DESI2: variants seen among roughly 807,000 people sequenced by gnomAD.
DESI2 encodes the protein deubiquitinase DESI2.
Under a neutral mutation model 24.1 loss-of-function variants are expected in DESI2, and 10 were observed. The observed-to-expected ratio is 0.41, with a 90% CI of 0.26 to 0.70. The LOEUF (loss-of-function observed/expected upper bound fraction) is 0.70, where lower values mean the gene tolerates loss of function less well. Among genes scored for constraint, DESI2 ranks in the 30% least tolerant of loss-of-function variants. The pLI is 0.29. For missense variants in DESI2, 122 were observed against 234.9 expected, an observed-to-expected ratio of 0.52 and a Z score of 3.14; for synonymous variants, 71 against 87.7, an observed-to-expected ratio of 0.81 and a Z score of 1.06.
chr1:244,661,524 A>G (rs1249979063), intron 1 of DESI2, among the ~76,000 whole-genome samples: 3 of 151,966 alleles, frequency 2.0e-5, no homozygotes, highest in Non-Finnish European at 4.4e-5. Flanking sequence ...CTCATCATTC[A>G]CATTAGGTAT....
At chr1:244,691,250 G>A (rs1013606443) in intron 3 of DESI2, among the ~76,000 whole-genome samples, 10 of 152,180 alleles carry the variant, frequency 6.6e-5, no homozygotes, top group Admixed American at 6.5e-5. Flanking sequence ...CATCATGCCC[G>A]ACTAATTTTT....
chr1:244,681,743 T>G (rs781539245), intron 1 of DESI2, among the ~76,000 whole-genome samples: 3 of 152,244 alleles, frequency 2.0e-5, no homozygotes, highest in Non-Finnish European at 4.4e-5. Flanking sequence ...TAAGGGTATA[T>G]AGACAGAATA....
intron 1 of DESI2, among the ~76,000 whole-genome samples, chr1:244,654,611 G>A (rs1158868794): frequency 6.6e-6 from 1 of 152,134 alleles, no homozygotes; most frequent in South Asian, 2.1e-4. Flanking sequence ...AAGTGGAACA[G>A]GACAGAAAAA....
chr1:244,657,310 C>T (rs1675682108), intron 1 of DESI2, among the ~76,000 whole-genome samples: 1 of 152,172 alleles, frequency 6.6e-6, no homozygotes, highest in African/African-American at 2.4e-5. Flanking sequence ...CAGAATCACA[C>T]ATCCCACCTA....
intron 1 of DESI2, among the ~76,000 whole-genome samples, chr1:244,683,020 A>G (rs2148801134): frequency 6.6e-6 from 1 of 152,330 alleles, no homozygotes. Context: ...ATTTGCAGCC[A>G]GGGAGCAGGG....
Position 244,706,497 on chromosome 1 carries a change from G to A in DESI2, c.*708G>A, listed in dbSNP as rs1251453866. The A allele has an allele frequency of 6.6e-6, 1 of 152,636 alleles. No homozygotes were observed. Among genetic ancestry groups the A allele is most frequent in the Non-Finnish European group, 1.5e-5 (1 of 68,042 alleles). The allele number at this position is 152,636 out of a possible 1,614,324, so 9.5% of individuals were successfully genotyped here. ...GTTCTTACGTCTCTCTGACTTTGAT[G>A]CCACTCATTCTATAGTTTAGCTGGT... On this transcript the variant is annotated 3_prime_UTR_variant, in exon 5 of 5. Coordinates refer to ENST00000302550, the MANE Select transcript of DESI2 (RefSeq NM_016076.5).
chr1:244,698,593 C>A (rs1677308999), intron 4 of DESI2, among the ~76,000 whole-genome samples: 1 of 152,198 alleles, frequency 6.6e-6, no homozygotes, highest in African/African-American at 2.4e-5. Context: ...TTCATAGATC[C>A]TAGTTGCTTG....
At chr1:244,671,459 TTAAC>T (rs761852146) in intron 1 of DESI2, among the ~76,000 whole-genome samples, 2 of 152,324 alleles carry the variant, frequency 1.3e-5, no homozygotes, top group Non-Finnish European at 2.9e-5. Flanking sequence ...CAATAGTTCT[TTAAC>T]TAGTCTGCTG....
intron 1 of DESI2, among the ~76,000 whole-genome samples, chr1:244,672,778 G>A (rs1476612948): frequency 6.6e-6 from 1 of 152,148 alleles, no homozygotes; most frequent in Non-Finnish European, 1.5e-5. Context: ...TCTGGAGGCT[G>A]AGACAGGAGA....
intron 4 of DESI2, among the ~76,000 whole-genome samples, chr1:244,703,832 G>GCTCTACTAAACATAATCTCTAC: frequency 6.6e-6 from 1 of 151,964 alleles, no homozygotes; most frequent in Non-Finnish European, 1.5e-5. Flanking sequence ...CTAATTTTTT[G>GCTCTACTAAACATAATCTCTAC]TATGTTTAGT....
rs945861464 is a variant in DESI2, at chr1:244,674,204, G to A, written c.43-12393G>A. On this transcript the variant is annotated intron_variant, in intron 1 of 4. Coordinates refer to ENST00000302550, the MANE Select transcript of DESI2 (RefSeq NM_016076.5). ...TGTAGAAACGGGGTTTCACCATATTGGTCAGGCTGGTCTCGAACTCCTCAC... is the reference window on the plus strand; with the variant it reads ...TGTAGAAACGGGGTTTCACCATATTAGTCAGGCTGGTCTCGAACTCCTCAC... 2.0e-5 allele frequency among the ~76,000 whole-genome samples: 3 copies of A among 151,900 alleles called. No individual in the cohort carries two copies. The East Asian group carries it at 5.8e-4, about 29-fold the overall frequency.
intron 1 of DESI2, among the ~76,000 whole-genome samples, chr1:244,657,299 C>G: frequency 6.6e-6 from 1 of 152,102 alleles, no homozygotes; most frequent in East Asian, 1.9e-4. Flanking sequence ...TGAACAAGTT[C>G]CAGAATCACA....
At chr1:244,681,436 A>G (rs1033605430) in intron 1 of DESI2, among the ~76,000 whole-genome samples, 8 of 145,406 alleles carry the variant, frequency 5.5e-5, no homozygotes, top group Non-Finnish European at 1.2e-4. Context: ...GCAGTCCCCA[A>G]CCTTTTTGGC....
At chr1:244,683,622 A>G (rs781600831) in intron 1 of DESI2, among the ~76,000 whole-genome samples, 61 of 151,714 alleles carry the variant, frequency 4.0e-4, no homozygotes, top group Non-Finnish European at 5.7e-4. Context: ...TTTGCCATAT[A>G]TTACTTTGCA....
At chr1:244,697,444 T>C (rs1677262773) in intron 4 of DESI2, among the ~76,000 whole-genome samples, 1 of 142,396 alleles carries the variant, frequency 7.0e-6, no homozygotes. Flanking sequence ...GCCACTGCAC[T>C]CCAACCTGGG....
At chr1:244,685,229 C>G (rs1223012479) in intron 1 of DESI2, among the ~76,000 whole-genome samples, 2 of 151,988 alleles carry the variant, frequency 1.3e-5, no homozygotes, top group Non-Finnish European at 2.9e-5. Context: ...CTTAGGTTGT[C>G]TTTTCCCACC....
intron 1 of DESI2, among the ~76,000 whole-genome samples, chr1:244,679,416 A>G (rs1379912398): frequency 6.6e-6 from 1 of 152,216 alleles, no homozygotes; most frequent in Non-Finnish European, 1.5e-5. Context: ...GGAAGAGTAC[A>G]ATCTGTATAT....
intron 1 of DESI2, among the ~76,000 whole-genome samples, chr1:244,683,209 T>A (rs1393826772): frequency 6.6e-6 from 1 of 152,196 alleles, no homozygotes; most frequent in Non-Finnish European, 1.5e-5. Context: ...GGGTTCTTGC[T>A]GAACTGAATT....
At chr1:244,654,343 G>A (rs1192392804) in intron 1 of DESI2, among the ~76,000 whole-genome samples, 1 of 152,180 alleles carries the variant, frequency 6.6e-6, no homozygotes, top group Non-Finnish European at 1.5e-5. Flanking sequence ...CGTTATTTTT[G>A]TTGGCTTAAA....
Sources: gnomAD v4.1 joint callset for allele counts (sites outside exome capture counted in the v4.1 genomes callset) on GRCh38, gnomAD v4.1.1 for gene constraint, MANE v1.5 for transcripts, NCBI Gene and HGNC (gene_info 2026-07-23, HGNC 2026-07-21) for gene names.